Variants in GUCA1A observed in about 807,000 individuals in gnomAD.
GUCA1A encodes guanylyl cyclase-activating protein 1.
In GUCA1A, 14 loss-of-function variants were observed where a neutral mutation model predicts 18.5. That is an observed-to-expected ratio of 0.76 (90% CI 0.50 to 1.18). The LOEUF is 1.18. Ranked by LOEUF, GUCA1A falls within the 50% of genes most tolerant of loss-of-function variation. The probability of loss-of-function intolerance (pLI) is 0.00; values close to 1 mark genes in which losing one functional copy is unlikely to be tolerated. For missense variants in GUCA1A, 264 were observed against 262.4 expected, an observed-to-expected ratio of 1.01 and a Z score of -0.04; for synonymous variants, 97 against 100.2, an observed-to-expected ratio of 0.97 and a Z score of 0.19.
intron 1 of GUCA1A, among the ~76,000 whole-genome samples, chr6:42,177,839 C>T (rs74969695): frequency 0.013 from 1,917 of 152,260 alleles, 48 homozygotes; most frequent in African/African-American, 0.043. Context: ...GTGAGAAACT[C>T]CCAAAAGCTC....
chr6:42,178,494 G>C (rs575107482), intron 2 of GUCA1A, 65 bp downstream of exon 2: 2 of 1,403,166 alleles, frequency 1.4e-6, no homozygotes, highest in East Asian at 2.3e-5. Flanking sequence ...TGAGAGCCCA[G>C]GGTTAGAACA....
intron 1 of GUCA1A, among the ~76,000 whole-genome samples, chr6:42,177,336 C>T (rs1194365485): frequency 6.6e-6 from 1 of 152,088 alleles, no homozygotes; most frequent in African/African-American, 2.4e-5. Context: ...ATAAAGCACT[C>T]AGCCTAGGAA....
rs1767879104 is a variant in GUCA1A at position 42,173,810 on chromosome 6, A to G, written c.197A>G (p.Asn66Ser). The change falls in exon 1 of 4, where the codon AAC (asparagine) becomes AGC (serine). Residue 66 changes from asparagine (N) to serine (S), a missense_variant. Asn to Ser is a conservative substitution (Grantham distance 46). Coordinates refer to ENST00000372958, the MANE Select transcript of GUCA1A (RefSeq NM_001384910.1). Reference sequence around the variant, plus strand: ...CAGATGTTTGAGACTTTTGACTTCAACAAGGTGAGCAGGGGCCCAGTGGCA... The same window carrying G: ...CAGATGTTTGAGACTTTTGACTTCAGCAAGGTGAGCAGGGGCCCAGTGGCA... Reference protein sequence around the residue: ...VEQMFETFDFNKDGYIDFMEY... With the variant: ...VEQMFETFDFSKDGYIDFMEY... The G allele has an allele frequency of 6.2e-7, 1 of 1,612,892 alleles. No individual in the cohort carries two copies. The highest frequency in any genetic ancestry group is 1.3e-5 in the African/African-American group (1 of 75,022).
chr6:42,179,469 C>A lies in GUCA1A; in HGVS notation c.*66C>A. The A allele has an allele frequency of 1.5e-6, 2 of 1,309,202 alleles. No individual in the cohort carries two copies. The highest frequency in any genetic ancestry group is 2.4e-5 in the Admixed American group (1 of 42,070). 81.1% of individuals were successfully genotyped at this position (1,309,202 alleles called of 1,614,324 possible). ...TATGGTGGTGCCTGTTGGTGGTGTT[C>A]TTGTCTTAACCCTAGATAGAATCTA... On this transcript the variant is annotated 3_prime_UTR_variant, in exon 4 of 4. Transcript: ENST00000372958.
In GUCA1A at chr6:42,178,862, A is replaced by G. The variant is rs1768034312; in HGVS notation, c.412A>G (p.Thr138Ala). 1 of 1,613,344 alleles carries G rather than the reference A, an allele frequency of 6.2e-7. No individual in the cohort carries two copies. Among genetic ancestry groups the G allele is most frequent in the Admixed American group, 1.7e-5 (1 of 60,002 alleles). Reference protein sequence around the residue: ...TTMTAEEFTDTVFSKIDVNGD... With the variant: ...TTMTAEEFTDAVFSKIDVNGD... ...CATGACTGCAGAGGAGTTCACCGAT[A>G]CAGTGTTCTCCAAGATTGACGTCAA... The change falls in exon 3 of 4, where the codon ACA becomes GCA. Residue 138 changes from threonine (T) to alanine (A), a missense_variant. Coordinates refer to ENST00000372958, the MANE Select transcript of GUCA1A (RefSeq NM_001384910.1).
At chr6:42,173,897 A>G in intron 1 of GUCA1A, 83 bp downstream of exon 1, 2 of 1,009,200 alleles carry the variant, frequency 2.0e-6, no homozygotes, top group Non-Finnish European at 3.2e-6. Context: ...GAGGAAGAGC[A>G]GAGAGGAGCA....
At position 42,173,487 on chromosome 6, in the gene GUCA1A, T is replaced by TGCTCAGGCCTGAAGG; in HGVS notation, c.-126_-112dup. On this transcript the variant is annotated 5_prime_UTR_variant, in exon 1 of 4. Coordinates refer to ENST00000372958, the MANE Select transcript of GUCA1A (RefSeq NM_001384910.1). The stretch of plus-strand genomic sequence containing the variant: ...CCATCTGATCCATCAGGCCCTTCTT[T>TGCTCAGGCCTGAAGG]GCTCAGGCCTGAAGGACTCAGGCCT... 8.1e-6 allele frequency: 6 copies of TGCTCAGGCCTGAAGG among 738,804 alleles called. No individual in the cohort carries two copies. Among genetic ancestry groups the TGCTCAGGCCTGAAGG allele is most frequent in the Non-Finnish European group, 1.4e-5 (6 of 413,932 alleles). The allele number at this position is 738,804 out of a possible 1,614,324, so 45.8% of individuals were successfully genotyped here. A position where few individuals can be genotyped will look rare whatever the true frequency, so the allele number is the denominator to read the frequency against.
chr6:42,179,225 C>T lies in GUCA1A; in HGVS notation c.446-18C>T, dbSNP rs114267019. On this transcript the variant is annotated intron_variant, in intron 3 of 3. Transcript: ENST00000372958. ...ATGAACACCCTCCTCCCCCTGATTC[C>T]CTTTCTCTCTACCCCAGGGGAACTC... 3.1e-6 allele frequency: 5 copies of T among 1,611,078 alleles called. No individual in the cohort carries two copies. Among genetic ancestry groups the T allele is most frequent in the African/African-American group, 2.7e-5 (2 of 74,868 alleles).
chr6:42,176,421 TTTTG>T (rs1403072291), intron 1 of GUCA1A, among the ~76,000 whole-genome samples: 1 of 145,124 alleles, frequency 6.9e-6, no homozygotes, highest in Non-Finnish European at 1.5e-5. Context: ...GTTGTTGTTG[TTTTG>T]TTTTTTGTTG....
chr6:42,173,761 C>G lies in GUCA1A; in HGVS notation c.148C>G (p.Pro50Ala). ...GTTCTTCGGCCTCAAGAACCTGAGC[C>G]CGTCGGCCAGCCAGTACGTGGAACA... ...RQFFGLKNLS[P>A]SASQYVEQMF... The change falls in exon 1 of 4, where the codon CCG (proline) becomes GCG (alanine). Residue 50 changes from proline to alanine, a missense_variant. Physicochemically the swap from Pro to Ala is conservative, Grantham distance 27. Coordinates refer to ENST00000372958, the MANE Select transcript of GUCA1A (RefSeq NM_001384910.1). The G allele has an allele frequency of 6.2e-7, 1 of 1,614,182 alleles. No homozygotes were observed. Among genetic ancestry groups the G allele is most frequent in the African/African-American group, 1.3e-5 (1 of 75,040 alleles).
At chr6:42,179,071 C>T (rs1391216686) in intron 3 of GUCA1A, among the ~76,000 whole-genome samples, 172 bp from the exon 4 acceptor site, 1 of 151,836 alleles carries the variant, frequency 6.6e-6, no homozygotes, top group Non-Finnish European at 1.5e-5. Flanking sequence ...TTTTAGGGGC[C>T]CCTGGACCAG....
intron 1 of GUCA1A, among the ~76,000 whole-genome samples, chr6:42,174,982 T>G (rs1259692212): frequency 1.3e-5 from 2 of 152,200 alleles, no homozygotes; most frequent in Non-Finnish European, 2.9e-5. Flanking sequence ...GGGACCAAAG[T>G]AGATTACGGG....
chr6:42,178,251 G>A, intron 1 of GUCA1A, 29 bp from the exon 2 acceptor site: 1 of 1,612,234 alleles, frequency 6.2e-7, no homozygotes, highest in Non-Finnish European at 8.5e-7. Context: ...GGCCCGGATG[G>A]GCTCACGGCG....
In GUCA1A at chr6:42,173,723, A is replaced by T. The variant is rs753396732; in HGVS notation, c.110A>T (p.Tyr37Phe). ...TECPSGQLTL[Y>F]EFRQFFGLKN... Reference sequence around the variant, plus strand: ...TGCCCCTCTGGCCAACTCACCCTCTATGAGTTCCGCCAGTTCTTCGGCCTC... The same window carrying T: ...TGCCCCTCTGGCCAACTCACCCTCTTTGAGTTCCGCCAGTTCTTCGGCCTC... Residue 37 changes from tyrosine (Y) to phenylalanine (F), a missense_variant, in exon 1 of 4, where the codon TAT (tyrosine) becomes TTT (phenylalanine). Transcript: ENST00000372958. 1.2e-6 allele frequency: 2 copies of T among 1,613,764 alleles called. No homozygotes were observed. Among genetic ancestry groups the T allele is most frequent in the Non-Finnish European group, 1.7e-6 (2 of 1,179,650 alleles).
chr6:42,174,218 T>C (rs1241279442), intron 1 of GUCA1A, among the ~76,000 whole-genome samples: 1 of 152,226 alleles, frequency 6.6e-6, no homozygotes, highest in African/African-American at 2.4e-5. Flanking sequence ...ATTGAACACC[T>C]GCGATGTGCT....
chr6:42,176,392 G>A (rs995400949), intron 1 of GUCA1A, among the ~76,000 whole-genome samples: 2 of 151,846 alleles, frequency 1.3e-5, no homozygotes, highest in African/African-American at 4.9e-5. Flanking sequence ...ATGGAACACA[G>A]GATTGGGAAG....
intron 1 of GUCA1A, among the ~76,000 whole-genome samples, chr6:42,176,993 T>TA (rs1427707168): frequency 4.6e-5 from 7 of 152,202 alleles, no homozygotes; most frequent in African/African-American, 1.7e-4. Context: ...GCCCTTGCAC[T>TA]AAAAAATGGT....
In GUCA1A at chr6:42,173,514, T is replaced by A; in HGVS notation, c.-100T>A. On this transcript the variant is annotated 5_prime_UTR_variant, in exon 1 of 4. Coordinates refer to ENST00000372958, the MANE Select transcript of GUCA1A (RefSeq NM_001384910.1). ...CTCAGGCCTGAAGGACTCAGGCCTGTGAGAGAGGACGGCCCCGTTGTCGGC... is the reference window on the plus strand; with the variant it reads ...CTCAGGCCTGAAGGACTCAGGCCTGAGAGAGAGGACGGCCCCGTTGTCGGC... The A allele has an allele frequency of 1.1e-6, 1 of 910,342 alleles. No individual in the cohort carries two copies. The highest frequency in any genetic ancestry group is 1.8e-6 in the Non-Finnish European group (1 of 555,026). The allele number at this position is 910,342 out of a possible 1,614,324, so 56.4% of individuals were successfully genotyped here.
At chr6:42,177,711 G>A (rs1465161684) in intron 1 of GUCA1A, among the ~76,000 whole-genome samples, 2 of 152,196 alleles carry the variant, frequency 1.3e-5, no homozygotes, top group Non-Finnish European at 2.9e-5. Flanking sequence ...CTGTCTAGGG[G>A]CCTCTCTGGG....
Sources: allele counts gnomAD v4.1 joint callset (sites outside exome capture counted in the v4.1 genomes callset), GRCh38; gene constraint gnomAD v4.1.1; transcripts MANE v1.5; gene names NCBI Gene and HGNC (gene_info 2026-07-23, HGNC 2026-07-21).